Variants in MCC observed in about 807,000 individuals in gnomAD.
MCC encodes the protein colorectal mutant cancer protein.
Under a neutral mutation model 116.2 loss-of-function variants are expected in MCC, and 90 were observed. The observed-to-expected ratio is 0.77, with a 90% CI of 0.65 to 0.92. MCC has a LOEUF of 0.92. MCC is among the 40% of genes least tolerant of loss of function. MCC has a pLI of 0.00. For synonymous variants in MCC, 578 were observed against 510.5 expected (o/e 1.13, Z -1.78); for missense variants, 1,516 against 1,312.2 (o/e 1.16, Z -2.40).
chr5:113,036,296 C>T (rs1367952823), intron 17 of MCC, among the ~76,000 whole-genome samples: 1 of 151,982 alleles, frequency 6.6e-6, no homozygotes, highest in Non-Finnish European at 1.5e-5. Flanking sequence ...CCTTGGCCTC[C>T]GAAAGTACTA....
chr5:113,074,736 T>C (rs897360323), intron 11 of MCC, among the ~76,000 whole-genome samples: 4 of 152,188 alleles, frequency 2.6e-5, no homozygotes, highest in African/African-American at 9.7e-5. Flanking sequence ...AACTACATGA[T>C]GCATGCAAAA....
Position 113,396,027 on chromosome 5 carries a change from A to G in MCC, c.171-10815T>C, listed in dbSNP as rs374016479. Reference sequence around the variant, plus strand: ...GGTTTTCAGGACACTCAGGAGTCTTAGTGATCAAAAACAAACAAGGCTGGG... The same window carrying G: ...GGTTTTCAGGACACTCAGGAGTCTTGGTGATCAAAAACAAACAAGGCTGGG... On this transcript the variant is annotated intron_variant, in intron 1 of 18. Coordinates refer to ENST00000408903, the MANE Select transcript of MCC (RefSeq NM_001085377.2). 3.9e-5 allele frequency among the ~76,000 whole-genome samples: 6 copies of G among 152,254 alleles called. No homozygotes were observed. In the East Asian group the frequency reaches 9.7e-4, roughly 25 times the overall value.
intron 1 of MCC, among the ~76,000 whole-genome samples, chr5:113,440,019 T>A (rs1429620463): frequency 1.3e-5 from 2 of 152,140 alleles, no homozygotes; most frequent in African/African-American, 4.8e-5. Context: ...CACCTCAGCC[T>A]CCCAAAGTAT....
chr5:113,433,759 G>A, intron 1 of MCC: 7 of 1,613,620 alleles, frequency 4.3e-6, no homozygotes, highest in Non-Finnish European at 5.9e-6. Flanking sequence ...GTCTCTGGAG[G>A]CTGTTGGGGG....
At chr5:113,322,538 G>C (rs1767445102) in intron 3 of MCC, among the ~76,000 whole-genome samples, 1 of 152,110 alleles carries the variant, frequency 6.6e-6, no homozygotes, top group African/African-American at 2.4e-5. Flanking sequence ...TAAATAAAGA[G>C]AAAATCAACT....
In MCC at chr5:113,276,808, T is replaced by A. The variant is rs547673796; in HGVS notation, c.627+63711A>T. ...CACCCAACTAATTTTTCTTCTTATT[T>A]TTTTTTTTTTTTTGTAGAGATGGTC... is the stretch of plus-strand genomic sequence containing the variant. On this transcript the variant is annotated intron_variant, in intron 3 of 18. Coordinates refer to ENST00000408903, the MANE Select transcript of MCC (RefSeq NM_001085377.2). 1.7e-4 allele frequency among the ~76,000 whole-genome samples: 25 copies of A among 149,312 alleles called. No homozygotes were observed. In the South Asian group the frequency reaches 3.0e-3, roughly 18 times the overall value.
chr5:113,137,245 G>A (rs1043242594), intron 5 of MCC, among the ~76,000 whole-genome samples: 2 of 152,108 alleles, frequency 1.3e-5, no homozygotes, highest in Admixed American at 1.3e-4. Flanking sequence ...ATCAGATCTT[G>A]TCAGAATTCG....
chr5:113,353,698 G>C (rs1355297900), intron 2 of MCC, among the ~76,000 whole-genome samples: 2 of 152,150 alleles, frequency 1.3e-5, no homozygotes, highest in African/African-American at 4.8e-5. Flanking sequence ...ACATGGTTAG[G>C]CTCCCTATAC....
At chr5:113,340,852 G>T (rs1767993421) in intron 2 of MCC, 122 bp from the exon 3 acceptor site, 2 of 737,164 alleles carry the variant, frequency 2.7e-6, no homozygotes, top group Admixed American at 2.6e-5. Context: ...GAACACATGT[G>T]ATGCCCAGGC....
intron 2 of MCC, among the ~76,000 whole-genome samples, chr5:113,345,358 A>G (rs960905746): frequency 3.3e-5 from 5 of 152,228 alleles, no homozygotes; most frequent in African/African-American, 9.6e-5. Flanking sequence ...AGGTGAGCAC[A>G]TAATCCTGGC....
chr5:113,266,159 T>C (rs1002709303), intron 3 of MCC, among the ~76,000 whole-genome samples: 3 of 152,090 alleles, frequency 2.0e-5, no homozygotes, highest in Admixed American at 6.6e-5. Context: ...AAAATAACTA[T>C]ATTATTTTGG....
intron 2 of MCC, among the ~76,000 whole-genome samples, chr5:113,347,758 A>T (rs991814772): frequency 6.6e-6 from 1 of 151,122 alleles, no homozygotes; most frequent in Non-Finnish European, 1.5e-5. Context: ...AATGAACTAA[A>T]CTCTATAATG....
intron 2 of MCC, among the ~76,000 whole-genome samples, chr5:113,341,081 A>T (rs770009827): frequency 6.6e-5 from 10 of 152,242 alleles, no homozygotes; most frequent in African/African-American, 2.4e-4. Context: ...AGCACTGGTC[A>T]TTCTTTCTCC....
intron 1 of MCC, among the ~76,000 whole-genome samples, chr5:113,471,283 GT>G (rs1469926408): frequency 6.6e-6 from 1 of 152,090 alleles, no homozygotes; most frequent in East Asian, 1.9e-4. Context: ...TTTCTGCTCT[GT>G]TTTTTTCCCA....
chr5:113,314,716 T>G (rs564807378), intron 3 of MCC, among the ~76,000 whole-genome samples: 3 of 152,272 alleles, frequency 2.0e-5, no homozygotes, highest in Non-Finnish European at 2.9e-5. Flanking sequence ...GCTTCCCGAG[T>G]AGCTGGGACT....
chr5:113,121,709 T>C (rs1757746038), intron 6 of MCC, among the ~76,000 whole-genome samples: 3 of 152,222 alleles, frequency 2.0e-5, no homozygotes, highest in African/African-American at 7.2e-5. Context: ...AACAAAATTT[T>C]AACTTCCAAG....
chr5:113,385,109 C>T lies in MCC; in HGVS notation c.274G>A (p.Asp92Asn). The T allele has an allele frequency of 6.2e-7, 1 of 1,614,178 alleles. No homozygotes were observed. Among genetic ancestry groups the T allele is most frequent in the East Asian group, 2.2e-5 (1 of 44,886 alleles). ...AGCTGCATGCGGCATCTTGTGAAAT[C>T]CTGAAAGGAAATCTTCCCATTTTCA... ...ADENGKISFQ[D>N]FTRCRMQLVR... Residue 92 changes from aspartate (D) to asparagine (N), a missense_variant, in exon 2 of 19, where the codon GAT (aspartate) becomes AAT (asparagine). By Grantham distance (23) the Asp-to-Asn change is conservative. Transcript: ENST00000408903.
chr5:113,085,126 G>A (rs757883421), intron 9 of MCC, 38 bp downstream of exon 9: 2 of 1,613,350 alleles, frequency 1.2e-6, no homozygotes, highest in South Asian at 1.1e-5. Flanking sequence ...GATAACAGGA[G>A]GTGTTCCCGC....
chr5:113,218,789 T>C (rs914492480), intron 3 of MCC, among the ~76,000 whole-genome samples: 16 of 151,828 alleles, frequency 1.1e-4, no homozygotes, highest in African/African-American at 3.9e-4. Context: ...AAGATAGACT[T>C]GGGGAAAAAA....
Sources: gnomAD v4.1 joint callset for allele counts (sites outside exome capture counted in the v4.1 genomes callset) on GRCh38, gnomAD v4.1.1 for gene constraint, MANE v1.5 for transcripts, NCBI Gene and HGNC (gene_info 2026-07-23, HGNC 2026-07-21) for gene names.